Variants in CCDC148 observed in about 807,000 individuals in gnomAD.
CCDC148 encodes the protein coiled-coil domain-containing protein 148.
A neutral mutation model predicts 85.7 loss-of-function variants in CCDC148; 89 were observed. The observed-to-expected ratio is 1.04, with a 90% CI of 0.87 to 1.24. The LOEUF (loss-of-function observed/expected upper bound fraction) is 1.24. Among genes scored for constraint, CCDC148 ranks in the 50% most tolerant of loss-of-function variants. The pLI is 0.00. For missense variants in CCDC148, 692 were observed against 671.7 expected, an observed-to-expected ratio of 1.03 and a Z score of -0.33; for synonymous variants, 230 against 213.9, an observed-to-expected ratio of 1.08 and a Z score of -0.66.
At chr2:158,222,459 C>T (rs1202687898) in intron 10 of CCDC148, among the ~76,000 whole-genome samples, 1 of 148,730 alleles carries the variant, frequency 6.7e-6, no homozygotes, top group Non-Finnish European at 1.5e-5. Flanking sequence ...GTGCTCTCTC[C>T]CTCTCTCTCT....
At chr2:158,360,639 A>G (rs1683898016) in intron 1 of CCDC148, among the ~76,000 whole-genome samples, 1 of 152,142 alleles carries the variant, frequency 6.6e-6, no homozygotes, top group Non-Finnish European at 1.5e-5. Context: ...CATCAACAAA[A>G]AGGATGTCCA....
At chr2:158,222,353 G>A (rs535265983) in intron 10 of CCDC148, among the ~76,000 whole-genome samples, 16 of 152,106 alleles carry the variant, frequency 1.1e-4, no homozygotes, top group Non-Finnish European at 1.8e-4. Flanking sequence ...GGCCCCAGGC[G>A]TATGTTATAC....
At chr2:158,427,788 T>G (rs985628168) in intron 1 of CCDC148, among the ~76,000 whole-genome samples, 1 of 152,110 alleles carries the variant, frequency 6.6e-6, no homozygotes, top group Non-Finnish European at 1.5e-5. Flanking sequence ...GGAAGACAGC[T>G]TGAGCTGAAG....
chr2:158,331,745 C>G (rs138756722), intron 7 of CCDC148, among the ~76,000 whole-genome samples: 4 of 152,154 alleles, frequency 2.6e-5, no homozygotes, highest in African/African-American at 9.7e-5. Flanking sequence ...GAATTGATCC[C>G]TTTACCATTA....
At chr2:158,280,662 C>T (rs1690237480) in intron 9 of CCDC148, among the ~76,000 whole-genome samples, 1 of 152,146 alleles carries the variant, frequency 6.6e-6, no homozygotes, top group African/African-American at 2.4e-5. Context: ...ACTTAGACTA[C>T]CACACATTAA....
intron 11 of CCDC148, among the ~76,000 whole-genome samples, chr2:158,200,153 A>G (rs994410177): frequency 6.6e-6 from 1 of 152,128 alleles, no homozygotes; most frequent in Non-Finnish European, 1.5e-5. Flanking sequence ...AAAGATGATC[A>G]TTATCTAGGT....
chr2:158,377,815 T>A (rs1022973099), intron 1 of CCDC148, among the ~76,000 whole-genome samples: 4 of 152,136 alleles, frequency 2.6e-5, no homozygotes, highest in Non-Finnish European at 5.9e-5. Flanking sequence ...ATTGTTTTAG[T>A]GCACCTCAAA....
intron 1 of CCDC148, among the ~76,000 whole-genome samples, chr2:158,440,761 G>A (rs1005555346): frequency 7.2e-5 from 11 of 152,202 alleles, no homozygotes; most frequent in Non-Finnish European, 1.2e-4. Flanking sequence ...ATTAGTGGGA[G>A]ACTACTGTAA....
At chr2:158,292,786 C>T (rs1690954397) in intron 9 of CCDC148, among the ~76,000 whole-genome samples, 1 of 152,124 alleles carries the variant, frequency 6.6e-6, no homozygotes, top group Non-Finnish European at 1.5e-5. Flanking sequence ...ATGGCACGGG[C>T]AGATTTTACA....
chr2:158,386,541 A>G (rs1207069681), intron 1 of CCDC148, among the ~76,000 whole-genome samples: 1 of 152,064 alleles, frequency 6.6e-6, no homozygotes, highest in Non-Finnish European at 1.5e-5. Flanking sequence ...CTTAAATTTC[A>G]AATTAACAGA....
intron 9 of CCDC148, among the ~76,000 whole-genome samples, chr2:158,261,526 A>C (rs928871327): frequency 4.6e-5 from 7 of 152,162 alleles, no homozygotes; most frequent in African/African-American, 1.7e-4. Context: ...AACAGCATCT[A>C]ATTAAACTTT....
intron 11 of CCDC148, among the ~76,000 whole-genome samples, chr2:158,211,123 G>A (rs1179895478): frequency 6.6e-6 from 1 of 151,896 alleles, no homozygotes; most frequent in Non-Finnish European, 1.5e-5. Flanking sequence ...ACCATGGCAC[G>A]TGTATACCTA....
chr2:158,224,064 A>C lies in CCDC148; in HGVS notation c.1252-3351T>G, dbSNP rs530766894. ...TCGAACCATGGCAAACAAGTTAAAA[A>C]CCTTGAAAAAAAATTAGACGAATGG... On this transcript the variant is annotated intron_variant, in intron 10 of 13. Transcript: ENST00000283233. Among the ~76,000 whole-genome samples the C allele has an allele frequency of 3.3e-5, 5 of 152,102 alleles. No homozygotes were observed. In the East Asian group the frequency reaches 9.7e-4, roughly 29 times the overall value.
At chr2:158,257,428 T>C (rs966910329) in intron 9 of CCDC148, among the ~76,000 whole-genome samples, 1 of 151,868 alleles carries the variant, frequency 6.6e-6, no homozygotes, top group Non-Finnish European at 1.5e-5. Flanking sequence ...ATTTTTCCAA[T>C]GTACCACTGT....
rs181129586 is a variant in CCDC148 at position 158,342,642 on chromosome 2, C to T, written c.252-1962G>A. ...ATGTTCTGAGGAGACTGATTCTCCA[C>T]TTAGAACTTTGGCACCTTTCTGGAA... is the stretch of plus-strand genomic sequence containing the variant. On this transcript the variant is annotated intron_variant, in intron 3 of 13. Coordinates refer to ENST00000283233, the MANE Select transcript of CCDC148 (RefSeq NM_138803.4). Among the ~76,000 whole-genome samples, 352 of 152,304 alleles carry T rather than the reference C, an allele frequency of 2.3e-3. 2 individuals are homozygous for T. Among genetic ancestry groups the T allele is most frequent in the African/African-American group, 8.2e-3 (343 of 41,576 alleles).
At chr2:158,267,859 T>C (rs1689537314) in intron 9 of CCDC148, among the ~76,000 whole-genome samples, 1 of 152,170 alleles carries the variant, frequency 6.6e-6, no homozygotes, top group African/African-American at 2.4e-5. Context: ...GTAGTCTTTG[T>C]GGTTGGCTTC....
intron 11 of CCDC148, among the ~76,000 whole-genome samples, chr2:158,188,159 C>G (rs1243929985): frequency 6.6e-6 from 1 of 151,926 alleles, no homozygotes; most frequent in Non-Finnish European, 1.5e-5. Flanking sequence ...CAAAAGCAGA[C>G]AATCAAGCTC....
At chr2:158,313,553 GC>G (rs1692138184) in intron 8 of CCDC148, among the ~76,000 whole-genome samples, 1 of 152,134 alleles carries the variant, frequency 6.6e-6, no homozygotes, top group African/African-American at 2.4e-5. Flanking sequence ...GCCCGAGGGG[GC>G]CCCCCACCTC....
chr2:158,266,678 T>G (rs1422660918), intron 9 of CCDC148, among the ~76,000 whole-genome samples: 3 of 152,072 alleles, frequency 2.0e-5, no homozygotes, highest in African/African-American at 7.2e-5. Flanking sequence ...TGCCTTTGCA[T>G]CCTCATAGCT....
Sources: allele counts gnomAD v4.1 joint callset (sites outside exome capture counted in the v4.1 genomes callset), GRCh38; gene constraint gnomAD v4.1.1; transcripts MANE v1.5; gene names NCBI Gene and HGNC (gene_info 2026-07-23, HGNC 2026-07-21).